Variants in ZNF385D observed in about 807,000 individuals in gnomAD.
The protein encoded by ZNF385D is zinc finger protein 659.
Under a neutral mutation model 35.8 loss-of-function variants are expected in ZNF385D, and 15 were observed. The ratio of observed to expected loss-of-function variants is 0.42; its 90% CI spans 0.28 to 0.64. The LOEUF is 0.64. Among genes scored for constraint, ZNF385D ranks in the 30% least tolerant of loss-of-function variants. The probability of loss-of-function intolerance (pLI) is 0.23; values close to 1 mark genes in which losing one functional copy is unlikely to be tolerated. For synonymous variants in ZNF385D, 212 were observed against 186.8 expected (o/e 1.13, Z -1.10); for missense variants, 474 against 494.6 (o/e 0.96, Z 0.39).
intron 3 of ZNF385D, among the ~76,000 whole-genome samples, chr3:21,515,638 G>C (rs1269081548): frequency 6.6e-6 from 1 of 152,220 alleles, no homozygotes; most frequent in African/African-American, 2.4e-5. Context: ...TAACCTCATA[G>C]GTGGCCCATC....
At chr3:21,676,233 T>C (rs2066719476) in intron 1 of ZNF385D, among the ~76,000 whole-genome samples, 2 of 152,092 alleles carry the variant, frequency 1.3e-5, no homozygotes, top group South Asian at 2.1e-4. Context: ...TTGGATTCCA[T>C]TGCTTTGGTG....
chr3:22,064,835 G>C (rs1297676924), intron 3 of ZNF385D, among the ~76,000 whole-genome samples: 1 of 152,210 alleles, frequency 6.6e-6, no homozygotes, highest in Non-Finnish European at 1.5e-5. Context: ...AGTTCAGTTA[G>C]AGAGGAGGAA....
At chr3:22,367,648 A>C (rs1457121589) in intron 2 of ZNF385D, among the ~76,000 whole-genome samples, 1 of 151,774 alleles carries the variant, frequency 6.6e-6, no homozygotes, top group Non-Finnish European at 1.5e-5. Flanking sequence ...TCTTTTGTTT[A>C]AGGAGCACCT....
chr3:22,307,112 T>C (rs1703269520), intron 2 of ZNF385D, among the ~76,000 whole-genome samples: 1 of 152,124 alleles, frequency 6.6e-6, no homozygotes, highest in Admixed American at 6.6e-5. Flanking sequence ...AGTCCCAAAG[T>C]TTCTGCGCCC....
At chr3:22,350,116 G>T (rs1695849114) in intron 2 of ZNF385D, among the ~76,000 whole-genome samples, 1 of 152,084 alleles carries the variant, frequency 6.6e-6, no homozygotes, top group South Asian at 2.1e-4. Flanking sequence ...TCAAAGCCTG[G>T]ATGTCCAATA....
At chr3:21,997,045 G>A (rs1407686826) in intron 3 of ZNF385D, among the ~76,000 whole-genome samples, 1 of 150,710 alleles carries the variant, frequency 6.6e-6, no homozygotes, top group Non-Finnish European at 1.5e-5. Flanking sequence ...CAAAGGAACA[G>A]TTTTAAAAAA....
At chr3:22,022,330 G>A (rs983942364) in intron 3 of ZNF385D, among the ~76,000 whole-genome samples, 4 of 151,978 alleles carry the variant, frequency 2.6e-5, no homozygotes, top group African/African-American at 9.7e-5. Flanking sequence ...TTAATGTATT[G>A]TACTTAAATT....
rs1559747338 is a variant in ZNF385D at position 21,912,330 on chromosome 3, C to T, written c.326-247302G>A. On this transcript the variant is annotated intron_variant, in intron 3 of 5. Coordinates refer to the ZNF385D transcript ENST00000494108. ...TCTAATAAATTTAGCTTTACTTCAT[C>T]AATAAATTTTTCTAGTGGACTTCTG... Among the ~76,000 whole-genome samples the T allele has an allele frequency of 2.0e-5, 3 of 152,126 alleles. No homozygotes were observed. The East Asian group carries it at 5.8e-4, about 29-fold the overall frequency.
At chr3:22,269,520 C>A (rs2125358858) in intron 2 of ZNF385D, among the ~76,000 whole-genome samples, 1 of 152,002 alleles carries the variant, frequency 6.6e-6, no homozygotes, top group South Asian at 2.1e-4. Context: ...TTTGGCATGA[C>A]TTTCTAGAGG....
chr3:22,139,552 G>A (rs1425637690), intron 3 of ZNF385D, among the ~76,000 whole-genome samples: 2 of 151,788 alleles, frequency 1.3e-5, no homozygotes, highest in Non-Finnish European at 2.9e-5. Context: ...ACTCATAGGT[G>A]GGAATTGAAC....
At chr3:21,545,933 T>C (rs900378151) in intron 3 of ZNF385D, among the ~76,000 whole-genome samples, 4 of 152,220 alleles carry the variant, frequency 2.6e-5, no homozygotes, top group African/African-American at 9.6e-5. Flanking sequence ...AAAGGTCTTA[T>C]CTGAGATTCC....
chr3:21,568,208 T>C lies in ZNF385D; in HGVS notation c.166-3524A>G, dbSNP rs147326039. Among the ~76,000 whole-genome samples, 228 of 152,284 alleles carry C rather than the reference T, an allele frequency of 1.5e-3. 2 individuals are homozygous for C. The highest frequency in any genetic ancestry group is 5.3e-3 in the African/African-American group (221 of 41,580). Reference sequence around the variant, plus strand: ...TAACAATAAATCATTCACACGTATATATCTACAACCATTTACAATGAGGAA... The same window carrying C: ...TAACAATAAATCATTCACACGTATACATCTACAACCATTTACAATGAGGAA... On this transcript the variant is annotated intron_variant, in intron 2 of 7. Transcript: ENST00000281523.
At chr3:21,750,184 C>T (rs115015656) in intron 1 of ZNF385D, among the ~76,000 whole-genome samples, 1,706 of 152,326 alleles carry the variant, frequency 0.011, 39 homozygotes, top group African/African-American at 0.039. Context: ...CAGCTCCAAG[C>T]CCACTTCCAG....
At chr3:22,136,906 G>A (rs1408727781) in intron 3 of ZNF385D, among the ~76,000 whole-genome samples, 1 of 152,134 alleles carries the variant, frequency 6.6e-6, no homozygotes, top group Admixed American at 6.5e-5. Flanking sequence ...TCGGTAAAAA[G>A]ATGAAGGATT....
intron 2 of ZNF385D, among the ~76,000 whole-genome samples, chr3:22,224,395 G>T (rs1698436698): frequency 6.6e-6 from 1 of 152,084 alleles, no homozygotes; most frequent in Non-Finnish European, 1.5e-5. Flanking sequence ...AATATCTTTA[G>T]TTGAAGTATA....
At chr3:22,108,976 C>A (rs1297353853) in intron 3 of ZNF385D, among the ~76,000 whole-genome samples, 1 of 152,188 alleles carries the variant, frequency 6.6e-6, no homozygotes, top group Non-Finnish European at 1.5e-5. Context: ...TACACCACTG[C>A]ACTCCAGCCT....
intron 1 of ZNF385D, among the ~76,000 whole-genome samples, chr3:21,691,064 T>C (rs1386634358): frequency 6.6e-5 from 10 of 152,136 alleles, no homozygotes; most frequent in Non-Finnish European, 1.0e-4. Flanking sequence ...CTTTTTTCCT[T>C]TCTTTCCGCT....
intron 3 of ZNF385D, among the ~76,000 whole-genome samples, chr3:21,912,044 A>G (rs1300055841): frequency 6.6e-6 from 1 of 151,888 alleles, no homozygotes; most frequent in African/African-American, 2.4e-5. Flanking sequence ...AATTAACCTA[A>G]TTTCTTGTTC....
rs529794580 is a variant in ZNF385D, at chr3:22,242,149, G to T, written c.107-73114C>A. On this transcript the variant is annotated intron_variant, in intron 2 of 5. Coordinates refer to the ZNF385D transcript ENST00000494108. ...TAGATGACGAGTTAGTGGGTGCAGCGCACCAGCGTGGCACCTGTATACATA... is the reference window on the plus strand; with the variant it reads ...TAGATGACGAGTTAGTGGGTGCAGCTCACCAGCGTGGCACCTGTATACATA... Among the ~76,000 whole-genome samples, 4 of 150,706 alleles carry T rather than the reference G, an allele frequency of 2.7e-5. No individual in the cohort carries two copies. In the South Asian group the frequency reaches 8.8e-4, roughly 33 times the overall value.
Sources: gnomAD v4.1 joint callset for allele counts (sites outside exome capture counted in the v4.1 genomes callset) on GRCh38, gnomAD v4.1.1 for gene constraint, MANE v1.5 for transcripts, NCBI Gene and HGNC (gene_info 2026-07-23, HGNC 2026-07-21) for gene names.